The following DCC variants were observed in gnomAD, a reference collection of about 807,000 sequenced individuals.
DCC encodes the protein DCC netrin 1 receptor.
DCC carries 58 observed loss-of-function variants against 172.5 expected under a neutral mutation model. That is an observed-to-expected ratio of 0.34 (90% confidence interval 0.27 to 0.42). The LOEUF (loss-of-function observed/expected upper bound fraction) is 0.42, where lower values mean the gene tolerates loss of function less well. Ranked by LOEUF, DCC falls within the 10% of genes least tolerant of loss-of-function variation. The probability of loss-of-function intolerance (pLI) is 1.00; values close to 1 mark genes in which losing one functional copy is unlikely to be tolerated. For synonymous variants in DCC, 709 were observed against 644.5 expected (o/e 1.10, Z -1.52); for missense variants, 1,740 against 1,791.0 (o/e 0.97, Z 0.51).
At chr18:53,422,346 A>G (rs1910682007) in intron 21 of DCC, among the ~76,000 whole-genome samples, 1 of 152,030 alleles carries the variant, frequency 6.6e-6, no homozygotes, top group African/African-American at 2.4e-5. Flanking sequence ...CTGAATTGCA[A>G]TTCATATTCT....
Position 53,339,795 on chromosome 18 carries a change from G to C in DCC, c.2247G>C (p.Leu749Phe). 2 of 1,613,946 alleles carry C rather than the reference G, an allele frequency of 1.2e-6. No individual in the cohort carries two copies. Among genetic ancestry groups the C allele is most frequent in the Non-Finnish European group, 1.7e-6 (2 of 1,179,958 alleles). Reference sequence around the variant, plus strand: ...TCATCATGAGTTGGACTCCTCCCTTGAACCCAAACATCGTGGTGCGAGGTT... The same window carrying C: ...TCATCATGAGTTGGACTCCTCCCTTCAACCCAAACATCGTGGTGCGAGGTT... ...NCIIMSWTPP[L>F]NPNIVVRGYI... Residue 749 changes from leucine (L) to phenylalanine (F), a missense_variant, in exon 15 of 29, where the codon TTG becomes TTC. Around this residue, in one of 2 missense-constraint regions of DCC, gnomAD observed 1,732 missense variants for 1,767.4 expected, o/e 0.98. Transcript: ENST00000442544.
rs369426007 is a variant in DCC, at chr18:53,446,124, A to AAAC, written c.3230-4376_3230-4375insAAC. Reference sequence around the variant, plus strand: ...AAAAAAAAAAAAAAAACAAAAAAAAACACTTAAAAATTTTCCAGGGATGGT... The same window carrying AAAC: ...AAAAAAAAAAAAAAAACAAAAAAAAAAACCACTTAAAAATTTTCCAGGGATGGT... On this transcript the variant is annotated intron_variant, in intron 22 of 28. Transcript: ENST00000442544. Among the ~76,000 whole-genome samples, 122 of 117,208 alleles carry AAAC rather than the reference A, an allele frequency of 1.0e-3. 1 individual carries two copies. The highest frequency in any genetic ancestry group is 1.3e-3 in the Non-Finnish European group (68 of 54,326). The allele number at this position is 117,208 out of a possible 152,430, so 76.9% of individuals were successfully genotyped here.
At chr18:52,422,722 C>T (rs1987290986) in intron 1 of DCC, among the ~76,000 whole-genome samples, 1 of 151,968 alleles carries the variant, frequency 6.6e-6, no homozygotes, top group Non-Finnish European at 1.5e-5. Context: ...AGCTAGGAGT[C>T]ATGTAGAAGA....
intron 7 of DCC, among the ~76,000 whole-genome samples, chr18:53,098,419 A>T (rs1310778098): frequency 6.6e-6 from 1 of 152,128 alleles, no homozygotes; most frequent in Non-Finnish European, 1.5e-5. Flanking sequence ...TTCAATCTGT[A>T]ACACTTTTTC....
At chr18:52,837,573 C>T (rs976519123) in intron 2 of DCC, among the ~76,000 whole-genome samples, 1 of 152,156 alleles carries the variant, frequency 6.6e-6, no homozygotes, top group African/African-American at 2.4e-5. Context: ...ATCACCTCAG[C>T]TTGGACTTCA....
chr18:52,396,552 G>A (rs566650769), intron 1 of DCC, among the ~76,000 whole-genome samples: 1 of 152,108 alleles, frequency 6.6e-6, no homozygotes, highest in Admixed American at 6.6e-5. Flanking sequence ...GGTGGCCTGA[G>A]CATCTCCATC....
At chr18:53,063,200 A>G (rs2042520009) in intron 5 of DCC, 105 bp from the exon 6 acceptor site, 1 of 1,042,086 alleles carries the variant, frequency 9.6e-7, no homozygotes, top group Non-Finnish European at 1.5e-6. Flanking sequence ...TGAATTATAA[A>G]TATTTTCTAT....
intron 1 of DCC, among the ~76,000 whole-genome samples, chr18:52,622,284 G>A (rs1486227424): frequency 2.6e-5 from 4 of 152,146 alleles, no homozygotes; most frequent in Non-Finnish European, 5.9e-5. Context: ...ATACTCAACA[G>A]CTAAGAGGCA....
chr18:52,879,130 G>T (rs2039443391), intron 2 of DCC, among the ~76,000 whole-genome samples: 1 of 152,164 alleles, frequency 6.6e-6, no homozygotes, highest in African/African-American at 2.4e-5. Context: ...CTTGTTACTG[G>T]CTGAGTAGAT....
chr18:52,987,766 C>T lies in DCC; in HGVS notation c.985+62396C>T, dbSNP rs1410367782. 2.6e-5 allele frequency among the ~76,000 whole-genome samples: 4 copies of T among 152,162 alleles called. No homozygotes were observed. The East Asian group carries it at 7.7e-4, about 29-fold the overall frequency. ...CAATGGTCATTGACTTTTTTCTCCT[C>T]TATTATTCTCAGTGTTGCTCCTGAA... On this transcript the variant is annotated intron_variant, in intron 5 of 28. Transcript: ENST00000442544.
chr18:53,128,482 T>C (rs1055933518), intron 7 of DCC, among the ~76,000 whole-genome samples: 9 of 152,166 alleles, frequency 5.9e-5, no homozygotes, highest in Non-Finnish European at 1.0e-4. Flanking sequence ...AATAGTGACA[T>C]CTGAGGATGG....
intron 5 of DCC, among the ~76,000 whole-genome samples, chr18:52,977,895 A>G (rs906762598): frequency 1.4e-5 from 2 of 147,342 alleles, no homozygotes; most frequent in Non-Finnish European, 3.0e-5. Flanking sequence ...AAAAAAAAAA[A>G]GAAAAGAAAA....
At chr18:53,201,652 T>C (rs1473197356) in intron 9 of DCC, among the ~76,000 whole-genome samples, 1 of 152,228 alleles carries the variant, frequency 6.6e-6, no homozygotes, top group African/African-American at 2.4e-5. Context: ...GACACATTTT[T>C]GGTTTGCTTT....
chr18:52,946,144 C>G (rs115758257), intron 5 of DCC, among the ~76,000 whole-genome samples: 206 of 152,266 alleles, frequency 1.4e-3, no homozygotes, highest in African/African-American at 4.7e-3. Context: ...AACTTTTAAA[C>G]TCTGTGTCCA....
intron 1 of DCC, among the ~76,000 whole-genome samples, chr18:52,628,714 T>G (rs2034618526): frequency 6.6e-6 from 1 of 152,198 alleles, no homozygotes; most frequent in Non-Finnish European, 1.5e-5. Context: ...GTTTTGCAGG[T>G]AGCAGCATGA....
Position 53,079,724 on chromosome 18 carries a change from T to G in DCC, c.1261+13558T>G, listed in dbSNP as rs570452016. Among the ~76,000 whole-genome samples, 8 of 152,282 alleles carry G rather than the reference T, an allele frequency of 5.3e-5. No homozygotes were observed. In the South Asian group the frequency reaches 1.7e-3, roughly 32 times the overall value. The stretch of plus-strand genomic sequence containing the variant: ...GAAGAGGAATTCATTGCTGAAGATG[T>G]GACATCTGAGTTGAAATGGACTTTG... On this transcript the variant is annotated intron_variant, in intron 7 of 28. Transcript: ENST00000442544.
At chr18:53,132,526 T>C (rs1054339426) in intron 7 of DCC, among the ~76,000 whole-genome samples, 2 of 152,154 alleles carry the variant, frequency 1.3e-5, no homozygotes, top group Non-Finnish European at 2.9e-5. Flanking sequence ...TATATGGCTC[T>C]TGTGACAAGA....
At chr18:53,260,506 T>G (rs1184995802) in intron 12 of DCC, among the ~76,000 whole-genome samples, 2 of 152,182 alleles carry the variant, frequency 1.3e-5, no homozygotes, top group Admixed American at 1.3e-4. Context: ...CAGGAGAGGC[T>G]GCAAAATAGC....
At chr18:52,815,435 C>CACACGT (rs1213080201) in intron 2 of DCC, among the ~76,000 whole-genome samples, 1 of 145,098 alleles carries the variant, frequency 6.9e-6, no homozygotes, top group Non-Finnish European at 1.5e-5. Context: ...CACACACACA[C>CACACGT]ACGTTCTCTC....
Sources: allele counts gnomAD v4.1 joint callset (sites outside exome capture counted in the v4.1 genomes callset), GRCh38; gene constraint gnomAD v4.1.1; regional missense constraint gnomAD v4.1.1; transcripts MANE v1.5; gene names NCBI Gene and HGNC (gene_info 2026-07-23, HGNC 2026-07-21).